Variants in DMD observed in about 807,000 individuals in gnomAD.
The protein encoded by DMD is dystrophin.
In DMD, 63 loss-of-function variants were observed where a neutral mutation model predicts 330.1. That is an observed-to-expected ratio of 0.19 (90% CI 0.16 to 0.24). The LOEUF (loss-of-function observed/expected upper bound fraction) is 0.24, where lower values mean the gene tolerates loss of function less well. DMD is among the 10% of genes least tolerant of loss of function. The pLI, the probability that DMD is intolerant of heterozygous loss-of-function variation, is 1.00. For missense variants in DMD, 3,344 were observed against 2,684.1 expected (o/e 1.25, Z -5.43); for synonymous variants, 1,223 against 959.8 (o/e 1.27, Z -5.07).
chrX:32,276,361 C>T (rs2097387277), intron 43 of DMD, among the ~76,000 whole-genome samples: 1 of 112,418 alleles, frequency 8.9e-6, no homozygotes, highest in African/African-American at 3.2e-5. Context: ...AGCTAGAGGA[C>T]TAGGGTGGCA....
At chrX:32,173,582 A>C (rs1176626258) in intron 44 of DMD, among the ~76,000 whole-genome samples, 1 of 110,807 alleles carries the variant, frequency 9.0e-6, no homozygotes, top group Non-Finnish European at 1.9e-5. Context: ...CGTGTTAGCC[A>C]GGATGGTCTC....
At chrX:32,109,904 G>A (rs1023024914) in intron 44 of DMD, among the ~76,000 whole-genome samples, 38 of 110,929 alleles carry the variant, frequency 3.4e-4, no homozygotes, top group Admixed American at 1.3e-3. Flanking sequence ...AATGCGAGCC[G>A]ACTAAGGCAA....
intron 9 of DMD, among the ~76,000 whole-genome samples, chrX:32,661,863 G>A (rs1051504733): frequency 2.7e-5 from 3 of 111,296 alleles, no homozygotes; most frequent in Non-Finnish European, 5.7e-5. Context: ...TTTTAAATCA[G>A]TACATAAAAT....
chrX:32,395,504 T>G (rs1331930563), intron 30 of DMD, among the ~76,000 whole-genome samples: 2 of 111,313 alleles, frequency 1.8e-5, no homozygotes, highest in East Asian at 5.7e-4. Flanking sequence ...CACACCAACA[T>G]GTCACATGGA....
intron 1 of DMD, among the ~76,000 whole-genome samples, chrX:33,149,669 A>T (rs989054391): frequency 8.9e-6 from 1 of 111,847 alleles, no homozygotes; most frequent in Non-Finnish European, 1.9e-5. Context: ...TGAAGAGGCC[A>T]CATGTAGGTA....
chrX:32,380,479 T>C, intron 34 of DMD, 31 bp downstream of exon 34: 1 of 1,193,340 alleles, frequency 8.4e-7, no homozygotes, highest in Non-Finnish European at 1.1e-6. Context: ...TCACGTATGT[T>C]CAAAATAACC....
intron 34 of DMD, among the ~76,000 whole-genome samples, chrX:32,379,744 G>A (rs975914050): frequency 1.8e-5 from 2 of 111,039 alleles, no homozygotes; most frequent in South Asian, 3.7e-4. Context: ...TAGCCACATT[G>A]AATTAAAAAT....
At chrX:32,799,896 T>A (rs146970409) in intron 7 of DMD, among the ~76,000 whole-genome samples, 2,244 of 111,394 alleles carry the variant, frequency 0.02, 29 homozygotes, top group South Asian at 0.058. Flanking sequence ...CTGCTACTCA[T>A]TTTAAAAGGC....
chrX:32,316,967 C>T (rs1217559849), intron 41 of DMD, among the ~76,000 whole-genome samples: 1 of 111,088 alleles, frequency 9.0e-6, no homozygotes, highest in African/African-American at 3.3e-5. Flanking sequence ...TTCATTTTCT[C>T]TTCTTTATGC....
Position 31,661,101 on chromosome X carries a change from G to A in DMD, c.7873-2957C>T, listed in dbSNP as rs780559780. Among the ~76,000 whole-genome samples the A allele has an allele frequency of 5.4e-5, 6 of 112,011 alleles. No individual in the cohort carries two copies. The South Asian group carries it at 1.5e-3, about 27-fold the overall frequency. Reference sequence around the variant, plus strand: ...AAGGTAGTAAAGAGTGAGGCTTGACGTCAAACCAGAACTTTTTGATGTACT... The same window carrying A: ...AAGGTAGTAAAGAGTGAGGCTTGACATCAAACCAGAACTTTTTGATGTACT... On this transcript the variant is annotated intron_variant, in intron 53 of 78. Coordinates refer to ENST00000357033, the MANE Select transcript of DMD (RefSeq NM_004006.3).
At chrX:31,730,355 A>AT (rs1426029594) in intron 51 of DMD, among the ~76,000 whole-genome samples, 1 of 111,923 alleles carries the variant, frequency 8.9e-6, no homozygotes, top group African/African-American at 3.3e-5. Context: ...CAAATCTTGC[A>AT]TTTTAAATAA....
At chrX:33,023,972 T>C (rs182629695) in intron 1 of DMD, among the ~76,000 whole-genome samples, 1 of 111,824 alleles carries the variant, frequency 8.9e-6, no homozygotes, top group East Asian at 2.8e-4. Flanking sequence ...TTTAGTATGC[T>C]AAAATTTTAT....
chrX:32,277,924 C>T (rs1206814450), intron 43 of DMD, among the ~76,000 whole-genome samples: 2 of 109,986 alleles, frequency 1.8e-5, no homozygotes, highest in Admixed American at 9.8e-5. Flanking sequence ...AGGAGCAAAT[C>T]GAACCCAAAA....
chrX:31,731,346 G>A (rs10521977), intron 51 of DMD, among the ~76,000 whole-genome samples: 56,254 of 110,508 alleles, frequency 0.51, 11,289 homozygotes, highest in African/African-American at 0.74. Context: ...ATAGTAGCAG[G>A]TAGATTTTAT....
intron 59 of DMD, among the ~76,000 whole-genome samples, chrX:31,456,691 G>A (rs1473481650): frequency 9.0e-6 from 1 of 110,933 alleles, no homozygotes; most frequent in Non-Finnish European, 1.9e-5. Flanking sequence ...CAAGATTGTG[G>A]TGGGTCTTGA....
At chrX:33,235,060 T>A (rs1197992797) in intron 1 of DMD, among the ~76,000 whole-genome samples, 1 of 111,999 alleles carries the variant, frequency 8.9e-6, no homozygotes, top group Admixed American at 9.5e-5. Flanking sequence ...GAGAGTTCTG[T>A]AGGAATACTG....
chrX:32,376,623 G>T (rs540980644), intron 34 of DMD, among the ~76,000 whole-genome samples: 1 of 111,141 alleles, frequency 9.0e-6, no homozygotes, highest in African/African-American at 3.3e-5. Context: ...TGCTTTGGTG[G>T]TCACCAACAT....
chrX:33,177,025 C>A (rs749884163), intron 1 of DMD, among the ~76,000 whole-genome samples: 1 of 112,217 alleles, frequency 8.9e-6, no homozygotes, highest in Non-Finnish European at 1.9e-5. Flanking sequence ...AACAAGAATG[C>A]GATCTCACCT....
chrX:33,176,559 AGT>A (rs67497965), intron 1 of DMD, among the ~76,000 whole-genome samples: 2,488 of 102,693 alleles, frequency 0.024, 54 homozygotes, highest in African/African-American at 0.076. Context: ...CAAGCACAGA[AGT>A]GTGTGTGTGT....
Sources: gnomAD v4.1 joint callset for allele counts (sites outside exome capture counted in the v4.1 genomes callset) on GRCh38, gnomAD v4.1.1 for gene constraint, MANE v1.5 for transcripts, NCBI Gene and HGNC (gene_info 2026-07-23, HGNC 2026-07-21) for gene names.